Variants in DNAJC9 observed in about 807,000 individuals in gnomAD.
DNAJC9 encodes the protein DnaJ heat shock protein family (Hsp40) member C9.
A neutral mutation model predicts 32.4 loss-of-function variants in DNAJC9; 18 were observed. The ratio of observed to expected loss-of-function variants is 0.56; its 90% CI spans 0.38 to 0.82. The LOEUF (loss-of-function observed/expected upper bound fraction) is 0.82. DNAJC9 is among the 40% of genes least tolerant of loss of function. DNAJC9 has a pLI of 0.00. For missense variants in DNAJC9, 310 were observed against 321.8 expected (o/e 0.96, Z 0.28); for synonymous variants, 113 against 122.1 (o/e 0.93, Z 0.49).
downstream of DNAJC9, among the ~76,000 whole-genome samples, chr10:73,237,602 A>T (rs1216374078): frequency 1.3e-5 from 2 of 152,022 alleles, no homozygotes; most frequent in Non-Finnish European, 2.9e-5. Context: ...GTATTCTTTT[A>T]GTAAAGACAG....
chr10:73,239,077 G>A (rs980393572), downstream of DNAJC9: 16 of 422,230 alleles, frequency 3.8e-5, no homozygotes, highest in Admixed American at 1.9e-4. Flanking sequence ...TTTCCTTAAC[G>A]GCATAGTAAT....
At chr10:73,235,255 G>C (rs1466615694), downstream of DNAJC9, 1 of 1,551,974 alleles carries the variant, frequency 6.4e-7, no homozygotes, top group African/African-American at 1.4e-5. Flanking sequence ...ACTATCAGCA[G>C]CCACAAGAAA....
At chr10:73,243,549 A>C in intron 4 of DNAJC9, 30 bp from the exon 5 acceptor site, 1 of 1,613,640 alleles carries the variant, frequency 6.2e-7, no homozygotes, top group African/African-American at 1.3e-5. Context: ...ACAAGCTTTC[A>C]CAACATTATC....
At chr10:73,234,991 G>A, downstream of DNAJC9, 1 of 1,540,106 alleles carries the variant, frequency 6.5e-7, no homozygotes, top group Non-Finnish European at 8.8e-7. Flanking sequence ...CAACCTAATG[G>A]GCAGTAATTC....
chr10:73,236,559 G>A (rs973844827), downstream of DNAJC9, among the ~76,000 whole-genome samples: 8 of 150,800 alleles, frequency 5.3e-5, no homozygotes, highest in African/African-American at 2.0e-4. Context: ...GACTACAGGT[G>A]CCTGCCACCA....
intron 2 of DNAJC9, 37 bp from the exon 3 acceptor site, chr10:73,246,213 T>C (rs201465338): frequency 3.3e-5 from 53 of 1,583,468 alleles, no homozygotes; most frequent in Non-Finnish European, 4.5e-5. Context: ...CTTTGGGAAT[T>C]TTACTTTAAA....
At chr10:73,239,142 G>A, downstream of DNAJC9, 1 of 549,720 alleles carries the variant, frequency 1.8e-6, no homozygotes, top group Non-Finnish European at 3.2e-6. Flanking sequence ...CATCTGGCTT[G>A]GGATTTTCTA....
At chr10:73,235,107 A>G (rs772279017), downstream of DNAJC9, 117 of 1,468,710 alleles carry the variant, frequency 8.0e-5, no homozygotes, top group Middle Eastern at 1.7e-4. Context: ...TGCACTTACC[A>G]TATCTGCCAT....
At chr10:73,241,442 T>C (rs945396176), downstream of DNAJC9, 3 of 186,110 alleles carry the variant, frequency 1.6e-5, no homozygotes, top group East Asian at 1.5e-4. Flanking sequence ...TTCTGGAGAG[T>C]TGTACTCAGT....
chr10:73,237,234 G>A (rs1044822044), downstream of DNAJC9, among the ~76,000 whole-genome samples: 3 of 152,124 alleles, frequency 2.0e-5, no homozygotes, highest in Admixed American at 6.5e-5. Context: ...TAGACCCCAC[G>A]AGGCTGACTT....
downstream of DNAJC9, among the ~76,000 whole-genome samples, chr10:73,240,650 T>C (rs958354456): frequency 3.3e-5 from 5 of 150,534 alleles, no homozygotes; most frequent in African/African-American, 1.2e-4. Flanking sequence ...AGGCAGAGCT[T>C]GCAGTGAGCC....
chr10:73,233,173 A>C (rs1296221263), intron 2 of DNAJC9: 8 of 1,533,906 alleles, frequency 5.2e-6, no homozygotes, highest in South Asian at 4.8e-5. Flanking sequence ...TGTAGGTTTC[A>C]AAAGCAGAAC....
chr10:73,236,593 T>TA (rs1286950680), downstream of DNAJC9, among the ~76,000 whole-genome samples: 1 of 151,678 alleles, frequency 6.6e-6, no homozygotes, highest in East Asian at 1.9e-4. Flanking sequence ...TTTGTAATTT[T>TA]ACTAGAGATG....
chr10:73,243,632 T>C, intron 4 of DNAJC9, 113 bp from the exon 5 acceptor site: 2 of 1,392,110 alleles, frequency 1.4e-6, no homozygotes, highest in Non-Finnish European at 2.0e-6. Context: ...ATGGAGTTTT[T>C]TTGGAATGGT....
intron 2 of DNAJC9, among the ~76,000 whole-genome samples, 184 bp downstream of exon 2, chr10:73,246,504 T>A (rs2044011964): frequency 6.6e-6 from 1 of 152,144 alleles, no homozygotes; most frequent in East Asian, 1.9e-4. Context: ...AGTGCAACAA[T>A]CACATTAACA....
At chr10:73,235,458 A>G, downstream of DNAJC9, 2 of 1,447,290 alleles carry the variant, frequency 1.4e-6, no homozygotes, top group Non-Finnish European at 1.8e-6. Context: ...AAAAAGTGTT[A>G]TAAATACATT....
downstream of DNAJC9, chr10:73,239,267 G>T (rs892394688): frequency 1.0e-5 from 15 of 1,461,612 alleles, no homozygotes; most frequent in African/African-American, 1.8e-4. Context: ...ATTATCCTTT[G>T]TGAGAAGATG....
intron 1 of DNAJC9, 50 bp from the exon 2 acceptor site, chr10:73,246,878 G>A: frequency 1.2e-6 from 2 of 1,609,420 alleles, no homozygotes; most frequent in Non-Finnish European, 8.5e-7. Flanking sequence ...CCACCGAAAC[G>A]GCGGCGCGAG....
chr10:73,234,574 G>A (rs2043780155), downstream of DNAJC9: 2 of 459,698 alleles, frequency 4.4e-6, no homozygotes, highest in Non-Finnish European at 7.8e-6. Flanking sequence ...AGTTCTGTGG[G>A]AGAGAAAAGG....
Sources: gnomAD v4.1 joint callset for allele counts (sites outside exome capture counted in the v4.1 genomes callset) on GRCh38, gnomAD v4.1.1 for gene constraint, MANE v1.5 for transcripts, NCBI Gene and HGNC (gene_info 2026-07-23, HGNC 2026-07-21) for gene names.